Variants in PRKCB observed in about 807,000 individuals in gnomAD.
PRKCB encodes the protein protein kinase C beta.
PRKCB carries 13 observed loss-of-function variants against 81.5 expected under a neutral mutation model. The ratio of observed to expected loss-of-function variants is 0.16; its 90% CI spans 0.10 to 0.25. The LOEUF (loss-of-function observed/expected upper bound fraction) is 0.25. PRKCB is among the 10% of genes least tolerant of loss of function. The pLI, the probability that PRKCB is intolerant of heterozygous loss-of-function variation, is 1.00. For synonymous variants in PRKCB, 335 were observed against 321.4 expected, an observed-to-expected ratio of 1.04 and a Z score of -0.45; for missense variants, 509 against 875.7, an observed-to-expected ratio of 0.58 and a Z score of 5.29.
intron 2 of PRKCB, among the ~76,000 whole-genome samples, chr16:23,936,821 A>G (rs944040929): frequency 6.6e-6 from 1 of 152,152 alleles, no homozygotes; most frequent in Non-Finnish European, 1.5e-5. Flanking sequence ...GGGCCATTAC[A>G]AACAATGCCA....
intron 2 of PRKCB, among the ~76,000 whole-genome samples, chr16:23,912,971 T>C (rs1033829549): frequency 1.3e-5 from 2 of 152,052 alleles, no homozygotes; most frequent in African/African-American, 2.4e-5. Flanking sequence ...ACTACAGATA[T>C]GTGCCACCAC....
intron 4 of PRKCB, 76 bp downstream of exon 4, chr16:24,032,323 G>A (rs940719666): frequency 3.9e-5 from 41 of 1,041,828 alleles, no homozygotes; most frequent in Non-Finnish European, 5.1e-5. Flanking sequence ...TTGGTTTGGG[G>A]TCCAGGTCTG....
At chr16:23,971,959 A>G (rs1039961032) in intron 2 of PRKCB, among the ~76,000 whole-genome samples, 1 of 152,184 alleles carries the variant, frequency 6.6e-6, no homozygotes, top group South Asian at 2.1e-4. Flanking sequence ...AAAATGAATG[A>G]ATAAATTAAG....
intron 2 of PRKCB, among the ~76,000 whole-genome samples, chr16:23,877,965 T>C (rs1171199267): frequency 6.6e-6 from 1 of 151,958 alleles, no homozygotes; most frequent in Non-Finnish European, 1.5e-5. Context: ...TCCTGAGTAG[T>C]TGGGACTACA....
In PRKCB at chr16:24,127,219, T is replaced by C. The variant is rs1966846095; in HGVS notation, c.1065+3238T>C. ...CGGGGTTTCTCCATGTTGGTCAGGC[T>C]GGTCTTGAACTCCTGACCTCAGGTG... On this transcript the variant is annotated intron_variant, in intron 9 of 16. Transcript: ENST00000643927. Among the ~76,000 whole-genome samples the C allele has an allele frequency of 4.0e-5, 6 of 151,876 alleles. No homozygotes were observed. In the South Asian group the frequency reaches 1.3e-3, roughly 32 times the overall value.
At chr16:23,910,824 T>C (rs1357163877) in intron 2 of PRKCB, among the ~76,000 whole-genome samples, 1 of 151,914 alleles carries the variant, frequency 6.6e-6, no homozygotes, top group Non-Finnish European at 1.5e-5. Context: ...TCGCTCTCCA[T>C]TTTTTTTCTC....
chr16:23,836,100 G>A lies in PRKCB; in HGVS notation c.-76G>A. The A allele has an allele frequency of 1.9e-6, 2 of 1,039,220 alleles. No individual in the cohort carries two copies. The highest frequency in any genetic ancestry group is 2.3e-6 in the Non-Finnish European group (2 of 855,178). The allele number at this position is 1,039,220 out of a possible 1,614,324, so 64.4% of individuals were successfully genotyped here. On this transcript the variant is annotated 5_prime_UTR_variant, in exon 1 of 17. Coordinates refer to ENST00000643927, the MANE Select transcript of PRKCB (RefSeq NM_002738.7). ...TGCAGCAGCGGCCGCCGCCTCCCGC[G>A]CCTCCCCGGCCCGCAGCCCGCGGTC...
intron 9 of PRKCB, among the ~76,000 whole-genome samples, chr16:24,132,897 C>T (rs974353801): frequency 2.0e-5 from 3 of 151,922 alleles, no homozygotes; most frequent in Non-Finnish European, 4.4e-5. Flanking sequence ...CTGCCTGCCT[C>T]AGCCTCCCAA....
intron 7 of PRKCB, among the ~76,000 whole-genome samples, chr16:24,096,071 G>A (rs984716264): frequency 2.6e-5 from 4 of 152,126 alleles, no homozygotes; most frequent in African/African-American, 9.7e-5. Context: ...GCCGAGGTGG[G>A]TGGATCACGA....
At chr16:24,056,516 GT>G (rs1442362879) in intron 5 of PRKCB, among the ~76,000 whole-genome samples, 1 of 152,240 alleles carries the variant, frequency 6.6e-6, no homozygotes, top group Non-Finnish European at 1.5e-5. Context: ...ATGTTGAAAT[GT>G]GATCCTCGGT....
intron 2 of PRKCB, among the ~76,000 whole-genome samples, chr16:23,916,080 A>G (rs1359849021): frequency 6.6e-6 from 1 of 151,956 alleles, no homozygotes; most frequent in Non-Finnish European, 1.5e-5. Context: ...TAGAGACAGG[A>G]TCTTGCTCAG....
At chr16:24,194,064 C>T (rs149597574) in intron 16 of PRKCB, among the ~76,000 whole-genome samples, 380 of 152,264 alleles carry the variant, frequency 2.5e-3, no homozygotes, top group Non-Finnish European at 3.4e-3. Flanking sequence ...TAGTGGCTCA[C>T]ACCCGTAATC....
At chr16:24,052,449 A>C (rs1965854249) in intron 5 of PRKCB, among the ~76,000 whole-genome samples, 1 of 152,190 alleles carries the variant, frequency 6.6e-6, no homozygotes, top group African/African-American at 2.4e-5. Flanking sequence ...AAGTAAAGGA[A>C]TAAAGCATGG....
chr16:23,932,704 C>T (rs1963996413), intron 2 of PRKCB, among the ~76,000 whole-genome samples: 1 of 152,180 alleles, frequency 6.6e-6, no homozygotes, highest in African/African-American at 2.4e-5. Flanking sequence ...GTCATGTGGA[C>T]CAGAGGGATG....
intron 2 of PRKCB, among the ~76,000 whole-genome samples, chr16:23,899,566 A>AGATAGGGCCTTGCTATGTTGCTCAGGC (rs1567306669): frequency 5.7e-5 from 5 of 87,586 alleles, no homozygotes; most frequent in African/African-American, 1.0e-4. Context: ...AGCTTTGTAA[A>AGATAGGGCCTTGCTATGTTGCTCAGGC]TTACTTTTGT....
chr16:23,976,482 G>A (rs1316776926), intron 2 of PRKCB, among the ~76,000 whole-genome samples: 1 of 152,162 alleles, frequency 6.6e-6, no homozygotes, highest in East Asian at 1.9e-4. Flanking sequence ...CTGTGGCCCA[G>A]GTCCCATGTC....
At chr16:24,142,428 G>A (rs2141944493) in intron 9 of PRKCB, among the ~76,000 whole-genome samples, 1 of 152,316 alleles carries the variant, frequency 6.6e-6, no homozygotes, top group East Asian at 1.9e-4. Flanking sequence ...CTGAGTGGGT[G>A]AGTGCCCCGG....
chr16:23,839,424 C>T (rs1032135600), intron 2 of PRKCB, among the ~76,000 whole-genome samples: 2 of 152,006 alleles, frequency 1.3e-5, no homozygotes, highest in East Asian at 3.9e-4. Flanking sequence ...CAAGTACGCA[C>T]CACCATGCCT....
intron 5 of PRKCB, among the ~76,000 whole-genome samples, chr16:24,054,110 C>T (rs1965876343): frequency 1.3e-5 from 2 of 151,844 alleles, no homozygotes; most frequent in African/African-American, 4.8e-5. Flanking sequence ...GTAGCTGGGA[C>T]TGCAGGCACA....
Sources: allele counts gnomAD v4.1 joint callset (sites outside exome capture counted in the v4.1 genomes callset), GRCh38; gene constraint gnomAD v4.1.1; transcripts MANE v1.5; gene names NCBI Gene and HGNC (gene_info 2026-07-23, HGNC 2026-07-21).